CACNA2D1: variants seen among roughly 807,000 people sequenced by gnomAD.
The protein encoded by CACNA2D1 is voltage-dependent calcium channel subunit alpha-2/delta-1.
CACNA2D1 carries 53 observed loss-of-function variants against 171.5 expected under a neutral mutation model. The ratio of observed to expected loss-of-function variants is 0.31; its 90% confidence interval spans 0.25 to 0.39. The LOEUF is 0.39. CACNA2D1 is among the 10% of genes least tolerant of loss of function. CACNA2D1 has a pLI of 1.00. For synonymous variants in CACNA2D1, 442 were observed against 443.1 expected (o/e 1.00, Z 0.03); for missense variants, 903 against 1,299.8 (o/e 0.69, Z 4.69).
At chr7:82,190,514 A>G (rs1798184539) in intron 3 of CACNA2D1, among the ~76,000 whole-genome samples, 1 of 151,714 alleles carries the variant, frequency 6.6e-6, no homozygotes, top group Non-Finnish European at 1.5e-5. Flanking sequence ...AAACATCACC[A>G]TATATTCAAT....
chr7:82,302,540 C>G (rs1813155152), intron 3 of CACNA2D1, among the ~76,000 whole-genome samples: 1 of 151,756 alleles, frequency 6.6e-6, no homozygotes, highest in East Asian at 1.9e-4. Flanking sequence ...TCAGCCTCCC[C>G]AGTAGCTGGG....
intron 3 of CACNA2D1, among the ~76,000 whole-genome samples, chr7:82,243,427 T>C (rs549676430): frequency 1.5e-4 from 23 of 152,320 alleles, no homozygotes; most frequent in East Asian, 5.8e-4. Flanking sequence ...TTGACTCTTA[T>C]ATTTTTCTAC....
intron 14 of CACNA2D1, among the ~76,000 whole-genome samples, chr7:82,013,231 G>GA (rs1406959972): frequency 6.6e-6 from 1 of 151,840 alleles, no homozygotes; most frequent in Admixed American, 6.6e-5. Flanking sequence ...TGTAACATCT[G>GA]AAAATAACAA....
chr7:82,197,369 A>C (rs1472760480), intron 3 of CACNA2D1, among the ~76,000 whole-genome samples: 1 of 152,070 alleles, frequency 6.6e-6, no homozygotes, highest in East Asian at 1.9e-4. Flanking sequence ...TCCAAAATAA[A>C]CTGATTTTTC....
chr7:82,246,608 A>G (rs985211137), intron 3 of CACNA2D1, among the ~76,000 whole-genome samples: 1 of 152,114 alleles, frequency 6.6e-6, no homozygotes, highest in Non-Finnish European at 1.5e-5. Context: ...GTTGAAGGGT[A>G]GGGGGCTAAG....
intron 3 of CACNA2D1, among the ~76,000 whole-genome samples, chr7:82,267,440 T>C (rs111606879): frequency 0.031 from 4,665 of 152,238 alleles, 216 homozygotes; most frequent in African/African-American, 0.11. Flanking sequence ...GAAATTCAAA[T>C]CAGGAAAACA....
chr7:81,977,183 G>C (rs1350565455), intron 24 of CACNA2D1, among the ~76,000 whole-genome samples: 1 of 152,060 alleles, frequency 6.6e-6, no homozygotes, highest in East Asian at 1.9e-4. Context: ...TATTGGCTGT[G>C]GGTTTGTCAC....
intron 6 of CACNA2D1, among the ~76,000 whole-genome samples, chr7:82,109,841 C>T (rs1365600852): frequency 5.9e-5 from 9 of 152,142 alleles, no homozygotes; most frequent in African/African-American, 1.9e-4. Flanking sequence ...GTATATTCAC[C>T]TCCTTTGATT....
At chr7:82,188,084 T>C (rs1797947591) in intron 3 of CACNA2D1, among the ~76,000 whole-genome samples, 1 of 152,140 alleles carries the variant, frequency 6.6e-6, no homozygotes, top group South Asian at 2.1e-4. Context: ...GGGGTCTCTT[T>C]ATAAGAGCAC....
chr7:82,131,674 G>T (rs1161158751), intron 5 of CACNA2D1, among the ~76,000 whole-genome samples: 1 of 152,136 alleles, frequency 6.6e-6, no homozygotes, highest in Non-Finnish European at 1.5e-5. Context: ...GTATGAGATT[G>T]TAAAGTTACA....
At chr7:82,008,952 T>G (rs1037224902) in intron 15 of CACNA2D1, among the ~76,000 whole-genome samples, 3 of 152,022 alleles carry the variant, frequency 2.0e-5, no homozygotes, top group African/African-American at 7.3e-5. Flanking sequence ...CAAATAAAAC[T>G]AAGGAAACAA....
chr7:82,075,054 T>C (rs1808794993), intron 7 of CACNA2D1, among the ~76,000 whole-genome samples: 1 of 152,034 alleles, frequency 6.6e-6, no homozygotes, highest in Non-Finnish European at 1.5e-5. Flanking sequence ...GATGTTCCCC[T>C]CCCTGTGTCC....
intron 11 of CACNA2D1, among the ~76,000 whole-genome samples, chr7:82,034,609 C>T (rs1234753960): frequency 6.6e-6 from 1 of 151,982 alleles, no homozygotes; most frequent in Non-Finnish European, 1.5e-5. Context: ...GTGAAACATG[C>T]CTCAAATCCC....
intron 3 of CACNA2D1, among the ~76,000 whole-genome samples, chr7:82,177,739 A>G (rs1796700585): frequency 6.6e-6 from 1 of 152,078 alleles, no homozygotes; most frequent in Non-Finnish European, 1.5e-5. Flanking sequence ...CTTCACAGGC[A>G]CTCATGATGC....
chr7:82,197,568 T>C (rs550090096), intron 3 of CACNA2D1, among the ~76,000 whole-genome samples: 1 of 152,090 alleles, frequency 6.6e-6, no homozygotes, highest in Admixed American at 6.6e-5. Flanking sequence ...TCACTTTTAA[T>C]GCAGTGTGAT....
At chr7:82,272,118 A>G (rs935819790) in intron 3 of CACNA2D1, among the ~76,000 whole-genome samples, 1 of 152,174 alleles carries the variant, frequency 6.6e-6, no homozygotes, top group Non-Finnish European at 1.5e-5. Flanking sequence ...TTTTCTCTCA[A>G]TATAATCTCT....
chr7:82,402,509 G>A (rs942349012), intron 1 of CACNA2D1, among the ~76,000 whole-genome samples: 1 of 151,690 alleles, frequency 6.6e-6, no homozygotes, highest in Non-Finnish European at 1.5e-5. Context: ...TCAGGAGATC[G>A]AGACCATCCT....
intron 4 of CACNA2D1, among the ~76,000 whole-genome samples, chr7:82,156,739 T>C (rs1011524916): frequency 6.6e-6 from 1 of 151,996 alleles, no homozygotes; most frequent in African/African-American, 2.4e-5. Context: ...TAAATTGAAA[T>C]GAAAAGCTGA....
chr7:81,973,867 C>T (rs1363047659), intron 25 of CACNA2D1, among the ~76,000 whole-genome samples: 1 of 151,806 alleles, frequency 6.6e-6, no homozygotes, highest in African/African-American at 2.4e-5. Context: ...ACCTGAAAGA[C>T]AAATATAATG....
Sources: allele counts gnomAD v4.1 joint callset (sites outside exome capture counted in the v4.1 genomes callset), GRCh38; gene constraint gnomAD v4.1.1; transcripts MANE v1.5; gene names NCBI Gene and HGNC (gene_info 2026-07-23, HGNC 2026-07-21).